NKAIN3: variants seen among roughly 807,000 people sequenced by gnomAD.
The protein encoded by NKAIN3 is sodium/potassium transporting ATPase interacting 3.
In NKAIN3, 25 loss-of-function variants were observed where a neutral mutation model predicts 30.2. The ratio of observed to expected loss-of-function variants is 0.83; its 90% CI spans 0.60 to 1.16. The LOEUF is 1.16. Ranked by LOEUF, NKAIN3 falls within the 50% of genes most tolerant of loss-of-function variation. The probability of loss-of-function intolerance (pLI) is 0.00; values close to 1 mark genes in which losing one functional copy is unlikely to be tolerated. For synonymous variants in NKAIN3, 91 were observed against 89.6 expected (o/e 1.02, Z -0.09); for missense variants, 225 against 254.1 (o/e 0.89, Z 0.78).
intron 1 of NKAIN3, among the ~76,000 whole-genome samples, chr8:62,430,366 G>GGTGTGTGT (rs59837325): frequency 0.01 from 1,428 of 142,530 alleles, 8 homozygotes; most frequent in African/African-American, 0.017. Flanking sequence ...TATATATTGT[G>GGTGTGTGT]GTGTGTGTGT....
intron 6 of NKAIN3, among the ~76,000 whole-genome samples, chr8:62,955,445 C>G (rs1823394422): frequency 6.6e-6 from 1 of 151,850 alleles, no homozygotes; most frequent in African/African-American, 2.4e-5. Flanking sequence ...GAGAAAAGAA[C>G]TAAGACAATG....
At chr8:62,332,603 G>C (rs1335184949) in intron 1 of NKAIN3, among the ~76,000 whole-genome samples, 1 of 152,102 alleles carries the variant, frequency 6.6e-6, no homozygotes, top group East Asian at 1.9e-4. Flanking sequence ...AGTCCGAGAA[G>C]GTTAGGTTGC....
intron 4 of NKAIN3, among the ~76,000 whole-genome samples, chr8:62,891,510 T>G (rs1382620060): frequency 6.6e-6 from 1 of 152,220 alleles, no homozygotes; most frequent in Admixed American, 6.5e-5. Flanking sequence ...TGTGAGTCAA[T>G]TCTCGTAATA....
chr8:62,951,136 G>A (rs80180272), intron 5 of NKAIN3, among the ~76,000 whole-genome samples: 243 of 151,986 alleles, frequency 1.6e-3, no homozygotes, highest in African/African-American at 5.5e-3. Flanking sequence ...AGTGGAGATG[G>A]CTAACACCTT....
At chr8:62,935,965 T>C (rs982198533) in intron 5 of NKAIN3, among the ~76,000 whole-genome samples, 1 of 152,174 alleles carries the variant, frequency 6.6e-6, no homozygotes, top group African/African-American at 2.4e-5. Flanking sequence ...TTTTAATAGC[T>C]GCAAAATTCT....
chr8:62,530,743 ACT>A (rs1808462122), intron 1 of NKAIN3, among the ~76,000 whole-genome samples: 1 of 151,168 alleles, frequency 6.6e-6, no homozygotes, highest in Non-Finnish European at 1.5e-5. Flanking sequence ...GATTCAAGAG[ACT>A]CTCCTGCCTC....
chr8:62,768,370 AT>A (rs1274188932), intron 4 of NKAIN3, among the ~76,000 whole-genome samples: 2 of 152,204 alleles, frequency 1.3e-5, no homozygotes, highest in Non-Finnish European at 2.9e-5. Flanking sequence ...CGCTATTTGC[AT>A]TGACAACAGT....
At chr8:62,511,240 G>T (rs1000668841) in intron 1 of NKAIN3, among the ~76,000 whole-genome samples, 1 of 152,118 alleles carries the variant, frequency 6.6e-6, no homozygotes, top group Non-Finnish European at 1.5e-5. Flanking sequence ...TTGCCTCTCT[G>T]CAGTCTAGTT....
intron 4 of NKAIN3, among the ~76,000 whole-genome samples, chr8:62,769,956 T>C (rs971079775): frequency 2.6e-5 from 4 of 151,210 alleles, no homozygotes; most frequent in African/African-American, 7.2e-5. Flanking sequence ...TCTCCCCTTA[T>C]AGTACTCATG....
In NKAIN3 at chr8:62,845,285, TTATATATATA is replaced by T. The variant is rs10525699; in HGVS notation, c.472-73149_472-73140del. On this transcript the variant is annotated intron_variant, in intron 4 of 6. Transcript: ENST00000623646. ...ATTCATTGACCTGCTGGATAGTAGATTATATATATATATATATATATATATATAGTACCTA... is the reference window on the plus strand; with the variant it reads ...ATTCATTGACCTGCTGGATAGTAGATTATATATATATATATATAGTACCTA... Among the ~76,000 whole-genome samples the T allele has an allele frequency of 2.0e-4, 14 of 68,930 alleles. 1 individual carries two copies. Among genetic ancestry groups the T allele is most frequent in the Non-Finnish European group, 3.7e-4 (12 of 32,846 alleles). 45.2% of individuals were successfully genotyped at this position (68,930 alleles called of 152,430 possible). A position where few individuals can be genotyped will look rare whatever the true frequency, so the allele number is the denominator to read the frequency against.
intron 1 of NKAIN3, among the ~76,000 whole-genome samples, chr8:62,444,772 A>T (rs920577204): frequency 6.6e-6 from 1 of 152,156 alleles, no homozygotes; most frequent in African/African-American, 2.4e-5. Flanking sequence ...TCAGTTTATG[A>T]AAAACCTCCA....
At chr8:62,312,102 A>T (rs1488196851) in intron 1 of NKAIN3, among the ~76,000 whole-genome samples, 2 of 150,536 alleles carry the variant, frequency 1.3e-5, no homozygotes, top group Admixed American at 6.6e-5. Flanking sequence ...TCTATGGGGG[A>T]AGTAAAATGT....
intron 1 of NKAIN3, among the ~76,000 whole-genome samples, chr8:62,456,812 C>T (rs1007622170): frequency 2.6e-5 from 4 of 152,194 alleles, no homozygotes; most frequent in African/African-American, 9.7e-5. Context: ...AAAATCATGG[C>T]TTAGATCAGG....
At chr8:62,409,066 T>C (rs79630019) in intron 1 of NKAIN3, among the ~76,000 whole-genome samples, 43 of 152,344 alleles carry the variant, frequency 2.8e-4, no homozygotes, top group East Asian at 7.7e-4. Flanking sequence ...ACTGGTGAGA[T>C]TGACATTTTT....
intron 1 of NKAIN3, among the ~76,000 whole-genome samples, chr8:62,339,636 G>C (rs1373523224): frequency 6.6e-6 from 1 of 151,930 alleles, no homozygotes; most frequent in Non-Finnish European, 1.5e-5. Context: ...TGCAAAATGA[G>C]ATTCATCTTT....
intron 1 of NKAIN3, among the ~76,000 whole-genome samples, chr8:62,347,893 C>G (rs1434014526): frequency 4.6e-5 from 7 of 152,024 alleles, no homozygotes; most frequent in Non-Finnish European, 4.4e-5. Context: ...GGAAGAGATT[C>G]TTCATTAATC....
At chr8:62,588,267 A>G (rs775986322) in intron 2 of NKAIN3, among the ~76,000 whole-genome samples, 14 of 152,004 alleles carry the variant, frequency 9.2e-5, no homozygotes, top group Middle Eastern at 3.4e-3. Flanking sequence ...AGAAGACTTT[A>G]TGAACAGAAT....
chr8:62,674,564 G>A (rs141189258), intron 3 of NKAIN3, among the ~76,000 whole-genome samples: 80 of 152,258 alleles, frequency 5.3e-4, no homozygotes, highest in Non-Finnish European at 9.6e-4. Context: ...AACACTAAAC[G>A]TAATAAATGG....
At chr8:62,451,541 C>G (rs1805643007) in intron 1 of NKAIN3, among the ~76,000 whole-genome samples, 2 of 152,130 alleles carry the variant, frequency 1.3e-5, no homozygotes, top group Non-Finnish European at 2.9e-5. Flanking sequence ...TTTCCAAACT[C>G]ATGCTCTTTG....
Sources: allele counts gnomAD v4.1 joint callset (sites outside exome capture counted in the v4.1 genomes callset), GRCh38; gene constraint gnomAD v4.1.1; transcripts MANE v1.5; gene names NCBI Gene and HGNC (gene_info 2026-07-23, HGNC 2026-07-21).